The following PPP1R36 variants were observed in gnomAD, a reference collection of about 807,000 sequenced individuals.
The protein encoded by PPP1R36 is chromosome 14 open reading frame 50.
In PPP1R36, 47 loss-of-function variants were observed where a neutral mutation model predicts 53.4. That is an observed-to-expected ratio of 0.88 (90% CI 0.70 to 1.12). The LOEUF (loss-of-function observed/expected upper bound fraction) is 1.12, where lower values mean the gene tolerates loss of function less well. Ranked by LOEUF, PPP1R36 falls within the 50% of genes most tolerant of loss-of-function variation. The pLI is 0.00. For missense variants in PPP1R36, 456 were observed against 513.9 expected, an observed-to-expected ratio of 0.89 and a Z score of 1.09; for synonymous variants, 153 against 170.5, an observed-to-expected ratio of 0.90 and a Z score of 0.80.
chr14:64,564,866 T>C (rs1408295849), intron 4 of PPP1R36, 29 bp downstream of exon 4: 1 of 1,430,948 alleles, frequency 7.0e-7, no homozygotes, highest in Non-Finnish European at 9.7e-7. Context: ...CATGCCAGAG[T>C]TGCTGATAGC....
intron 11 of PPP1R36, 67 bp downstream of exon 11, chr14:64,588,362 AG>A: frequency 1.4e-6 from 2 of 1,414,520 alleles, no homozygotes; most frequent in South Asian, 2.7e-5. Context: ...TGGAAGGGGC[AG>A]GGGCCCAGGC....
intron 8 of PPP1R36, among the ~76,000 whole-genome samples, chr14:64,583,039 G>A (rs1056443025): frequency 8.1e-5 from 12 of 148,446 alleles, no homozygotes; most frequent in Non-Finnish European, 1.2e-4. Flanking sequence ...TACAAGGCGT[G>A]TGCCACCACT....
chr14:64,587,109 G>A (rs1323479529), intron 9 of PPP1R36, 85 bp from the exon 10 acceptor site: 1 of 1,082,702 alleles, frequency 9.2e-7, no homozygotes. Flanking sequence ...CTGGGTTTGT[G>A]TCTGCTTAGC....
chr14:64,554,214 C>T lies in PPP1R36; in HGVS notation c.182+1353C>T, dbSNP rs142325987. On this transcript the variant is annotated intron_variant, in intron 3 of 11. Coordinates refer to ENST00000298705, the MANE Select transcript of PPP1R36 (RefSeq NM_172365.3). ...TGGCTCAGGCTGGAGTGCAGTGGAG[C>T]GGTCCTGGCTCACGGCAACCTCCCC... is the stretch of plus-strand genomic sequence containing the variant. Among the ~76,000 whole-genome samples, 61 of 124,292 alleles carry T rather than the reference C, an allele frequency of 4.9e-4. 1 individual carries two copies. The highest frequency in any genetic ancestry group is 1.7e-3 in the African/African-American group (54 of 31,524). 81.5% of individuals were successfully genotyped at this position (124,292 alleles called of 152,430 possible).
At position 64,569,895 on chromosome 14, in the gene PPP1R36, C is replaced by T. The variant is rs149373316; in HGVS notation, c.533+1448C>T. On this transcript the variant is annotated intron_variant, in intron 7 of 11. Coordinates refer to ENST00000298705, the MANE Select transcript of PPP1R36 (RefSeq NM_172365.3). ...CTGGGATTACAGGAGCCCACAACCA[C>T]GCCCAGCTAATTTTTATATTTTTAG... Among the ~76,000 whole-genome samples, 6 of 151,930 alleles carry T rather than the reference C, an allele frequency of 3.9e-5. No individual in the cohort carries two copies. The East Asian group carries it at 5.8e-4, about 15-fold the overall frequency.
chr14:64,575,448 A>G (rs1357446471), intron 8 of PPP1R36, among the ~76,000 whole-genome samples: 1 of 152,138 alleles, frequency 6.6e-6, no homozygotes, highest in East Asian at 1.9e-4. Flanking sequence ...TGTAACATAC[A>G]TATTTGCTTA....
intron 3 of PPP1R36, among the ~76,000 whole-genome samples, chr14:64,560,589 A>C (rs1231535325): frequency 6.6e-6 from 1 of 152,184 alleles, no homozygotes; most frequent in Non-Finnish European, 1.5e-5. Context: ...CAGTGGAAAG[A>C]GAGGGAAGTA....
chr14:64,580,296 C>A (rs2080378750), intron 8 of PPP1R36, among the ~76,000 whole-genome samples: 1 of 152,104 alleles, frequency 6.6e-6, no homozygotes, highest in Non-Finnish European at 1.5e-5. Flanking sequence ...AGAACAACAC[C>A]CTGCCTCAAA....
intron 11 of PPP1R36, 70 bp downstream of exon 11, chr14:64,588,365 G>A: frequency 1.4e-6 from 2 of 1,393,908 alleles, no homozygotes; most frequent in South Asian, 1.4e-5. Context: ...AAGGGGCAGG[G>A]GCCCAGGCAC....
intron 7 of PPP1R36, among the ~76,000 whole-genome samples, chr14:64,572,133 G>C (rs2140236759): frequency 6.6e-6 from 1 of 152,208 alleles, no homozygotes; most frequent in South Asian, 2.1e-4. Flanking sequence ...ATGCATAAAA[G>C]TTTCCTCCTA....
rs900848978 is a variant in PPP1R36 at position 64,574,772 on chromosome 14, A to G, written c.668+183A>G. On this transcript the variant is annotated intron_variant, in intron 8 of 11. Transcript: ENST00000298705. The stretch of plus-strand genomic sequence containing the variant: ...TGTCTCCTTTGAGAGACCAAAGTGC[A>G]TGTGGAAGAAATCTCAGAATCTCAG... Among the ~76,000 whole-genome samples, 7 of 152,338 alleles carry G rather than the reference A, an allele frequency of 4.6e-5. No homozygotes were observed. In the East Asian group the frequency reaches 1.3e-3, roughly 29 times the overall value.
intron 6 of PPP1R36, among the ~76,000 whole-genome samples, chr14:64,566,229 A>G (rs1224404556): frequency 1.3e-5 from 2 of 151,530 alleles, no homozygotes; most frequent in Admixed American, 6.6e-5. Flanking sequence ...GATTGTGCCA[A>G]TGCGCTCCAG....
In PPP1R36 at chr14:64,565,666, G is replaced by A; in HGVS notation, c.408G>A (p.Arg136=). ...TGCTACAAGATACTGAGATGCAGCG[G>A]ATCTGTTCTTTTACAACATTTATGA... ...LLLLQDTEMQ[R]ICSFTTFMRN... Residue 136 remains arginine (R), a synonymous_variant, in exon 6 of 12, where the codon CGG becomes CGA. Transcript: ENST00000298705. 1.2e-6 allele frequency: 2 copies of A among 1,613,614 alleles called. No homozygotes were observed. Among genetic ancestry groups the A allele is most frequent in the Non-Finnish European group, 8.5e-7 (1 of 1,179,612 alleles).
chr14:64,574,432 CT>C (rs761320046), intron 7 of PPP1R36, 22 bp from the exon 8 acceptor site: 74 of 1,583,712 alleles, frequency 4.7e-5, no homozygotes, highest in Admixed American at 1.1e-4. Flanking sequence ...CCCAAATTCT[CT>C]TTTTTTTGTC....
intron 8 of PPP1R36, among the ~76,000 whole-genome samples, chr14:64,585,516 C>CAAAAAAA (rs57102182): frequency 9.2e-6 from 1 of 109,156 alleles, no homozygotes. Flanking sequence ...GACCCTGTCT[C>CAAAAAAA]AAAAAAAAAA....
intron 8 of PPP1R36, among the ~76,000 whole-genome samples, chr14:64,584,915 C>T (rs1170384578): frequency 2.0e-5 from 3 of 152,210 alleles, no homozygotes; most frequent in Non-Finnish European, 1.5e-5. Context: ...CATACTTAGT[C>T]CATGTTCACT....
At position 64,550,921 on chromosome 14, in the gene PPP1R36, C is replaced by T. The variant is rs1358658109; in HGVS notation, c.70C>T (p.Gln24Ter). ...LGGQTPYLMD[Q>*]LGLRLGMWYW... ...TTGCTGCAATCATTTCGTTTTACAG[C>T]AGTTGGGATTACGATTAGGGATGTG... The change falls in exon 2 of 12, where the codon CAG becomes TAG. Residue 24 changes from glutamine (Q) to a stop codon, truncating the protein, a stop_gained and splice_region_variant. Coordinates refer to ENST00000298705, the MANE Select transcript of PPP1R36 (RefSeq NM_172365.3). LOFTEE classifies it high-confidence loss of function. 1 of 1,605,462 alleles carries T rather than the reference C, an allele frequency of 6.2e-7. No homozygotes were observed. Among genetic ancestry groups the T allele is most frequent in the Non-Finnish European group, 8.5e-7 (1 of 1,175,758 alleles).
intron 3 of PPP1R36, among the ~76,000 whole-genome samples, chr14:64,554,305 C>T (rs185719435): frequency 0.011 from 1,601 of 152,058 alleles, 12 homozygotes; most frequent in Non-Finnish European, 0.017. Context: ...GCATGTGCCA[C>T]CACACCCAGC....
intron 2 of PPP1R36, 122 bp from the exon 3 acceptor site, chr14:64,552,692 A>T: frequency 1.4e-6 from 1 of 701,872 alleles, no homozygotes; most frequent in Non-Finnish European, 2.4e-6. Context: ...TTAAACAAAT[A>T]ATTCAAAGGC....
Sources: gnomAD v4.1 joint callset for allele counts (sites outside exome capture counted in the v4.1 genomes callset) on GRCh38, gnomAD v4.1.1 for gene constraint, MANE v1.5 for transcripts, NCBI Gene and HGNC (gene_info 2026-07-23, HGNC 2026-07-21) for gene names.